Variants in TRIP11 observed in about 807,000 individuals in gnomAD.
TRIP11 encodes the protein thyroid receptor-interacting protein 11.
TRIP11 carries 148 observed loss-of-function variants against 223.1 expected under a neutral mutation model. That is an observed-to-expected ratio of 0.66 (90% CI 0.58 to 0.76). The LOEUF is 0.76. TRIP11 is among the 30% of genes least tolerant of loss of function. The pLI, the probability that TRIP11 is intolerant of heterozygous loss-of-function variation, is 0.00. For synonymous variants in TRIP11, 762 were observed against 772.6 expected (o/e 0.99, Z 0.23); for missense variants, 2,043 against 2,222.0 (o/e 0.92, Z 1.62).
At chr14:92,013,880 A>G (rs2057003829) in intron 7 of TRIP11, among the ~76,000 whole-genome samples, 1 of 152,208 alleles carries the variant, frequency 6.6e-6, no homozygotes, top group African/African-American at 2.4e-5. Context: ...TATGGCTCTA[A>G]GCACTCAGGG....
At chr14:92,026,515 ACT>A (rs2057189225) in intron 2 of TRIP11, 2 of 1,067,608 alleles carry the variant, frequency 1.9e-6, no homozygotes, top group African/African-American at 3.1e-5. Flanking sequence ...GAGTCCCTGA[ACT>A]CTCGCTTTCT....
At chr14:91,974,803 G>C (rs2056443967) in intron 18 of TRIP11, 60 bp from the exon 19 acceptor site, 2 of 1,237,478 alleles carry the variant, frequency 1.6e-6, no homozygotes, top group Non-Finnish European at 2.3e-6. Context: ...AAAAAACAAG[G>C]ACCACTTTTA....
rs149290149 is a variant in TRIP11 at position 92,034,740 on chromosome 14, C to G, written c.140-1487G>C. Among the ~76,000 whole-genome samples, 326 of 152,314 alleles carry G rather than the reference C, an allele frequency of 2.1e-3. 1 individual carries two copies. Among genetic ancestry groups the G allele is most frequent in the African/African-American group, 6.7e-3 (279 of 41,566 alleles). The stretch of plus-strand genomic sequence containing the variant: ...TCATGGCTCACTGTAGCCTCAAACT[C>G]TCTCGCTTCAGCCTTCCAAGTAGTT... On this transcript the variant is annotated intron_variant, in intron 1 of 20. Transcript: ENST00000267622.
intron 13 of TRIP11, among the ~76,000 whole-genome samples, chr14:91,996,451 A>G (rs1422608503): frequency 6.6e-6 from 1 of 152,194 alleles, no homozygotes; most frequent in Non-Finnish European, 1.5e-5. Context: ...CCAAGGCAAA[A>G]GGACTGTTTG....
chr14:92,033,608 T>C (rs924763627), intron 1 of TRIP11, among the ~76,000 whole-genome samples: 4 of 152,204 alleles, frequency 2.6e-5, no homozygotes, highest in Admixed American at 2.0e-4. Context: ...CAACTGGGGC[T>C]TTAGGCCTTA....
intron 15 of TRIP11, among the ~76,000 whole-genome samples, chr14:91,992,908 CAAAAAAAAAA>C (rs550702989): frequency 4.8e-4 from 14 of 29,252 alleles, no homozygotes; most frequent in East Asian, 3.8e-3. Context: ...GACTCCGTCT[CAAAAAAAAAA>C]AAAAAAAAAA....
chr14:92,039,570 A>G lies in TRIP11; in HGVS notation c.116T>C (p.Met39Thr), dbSNP rs771538219. ...ACCTTCCACTTCCTCCGTGCCCTCC[A>G]TCAGCATATCCTTTGTAAAGTTTGA... is the stretch of plus-strand genomic sequence containing the variant. ...QISNFTKDML[M>T]EGTEEVEAEL... is the part of the protein sequence containing the mutation. The change falls in exon 1 of 21, where the codon ATG becomes ACG. Residue 39 changes from methionine (M) to threonine (T), a missense_variant. By Grantham distance (81) the Met-to-Thr change is moderately conservative (BLOSUM62 -1). Coordinates refer to ENST00000267622, the MANE Select transcript of TRIP11 (RefSeq NM_004239.4). 5 of 1,613,922 alleles carry G rather than the reference A, an allele frequency of 3.1e-6. No individual in the cohort carries two copies. The highest frequency in any genetic ancestry group is 4.2e-6 in the Non-Finnish European group (5 of 1,179,948).
chr14:91,995,336 T>G lies in TRIP11; in HGVS notation c.5056+16A>C. 6.2e-7 allele frequency: 1 copy of G among 1,612,610 alleles called. No homozygotes were observed. Among genetic ancestry groups the G allele is most frequent in the East Asian group, 2.2e-5 (1 of 44,858 alleles). Reference sequence around the variant, plus strand: ...CTACAATTTTTCTTCATTGAAAGAGTGACCGTAGAGCTTACCTTGTTGGAA... The same window carrying G: ...CTACAATTTTTCTTCATTGAAAGAGGGACCGTAGAGCTTACCTTGTTGGAA... On this transcript the variant is annotated intron_variant, in intron 14 of 20. Coordinates refer to ENST00000267622, the MANE Select transcript of TRIP11 (RefSeq NM_004239.4).
chr14:92,029,772 C>T (rs915600121), intron 2 of TRIP11, among the ~76,000 whole-genome samples: 14 of 152,088 alleles, frequency 9.2e-5, no homozygotes, highest in Admixed American at 7.2e-4. Context: ...TATTAGACAA[C>T]TTAGAAGATT....
intron 2 of TRIP11, among the ~76,000 whole-genome samples, chr14:92,028,837 T>C (rs1426845472): frequency 6.6e-6 from 1 of 152,210 alleles, no homozygotes; most frequent in African/African-American, 2.4e-5. Flanking sequence ...ACTCACATCT[T>C]AAAATATTCC....
At chr14:92,000,682 C>G (rs2056812994) in intron 11 of TRIP11, among the ~76,000 whole-genome samples, 1 of 152,120 alleles carries the variant, frequency 6.6e-6, no homozygotes. Context: ...ACCCCCAAAT[C>G]AACAAAAAGT....
chr14:92,017,630 A>G (rs897339277), intron 5 of TRIP11, 52 bp downstream of exon 5: 6 of 1,404,016 alleles, frequency 4.3e-6, no homozygotes, highest in African/African-American at 4.2e-5. Context: ...TATGCTTTTA[A>G]TAAGCAGATT....
chr14:91,999,928 T>C (rs1461615335), intron 12 of TRIP11, 40 bp downstream of exon 12: 97 of 1,610,580 alleles, frequency 6.0e-5, no homozygotes, highest in Non-Finnish European at 8.2e-5. Context: ...GTTATTAAAC[T>C]TATTGTTTGA....
At chr14:91,995,081 T>C (rs2056732394) in intron 14 of TRIP11, among the ~76,000 whole-genome samples, 1 of 151,104 alleles carries the variant, frequency 6.6e-6, no homozygotes. Flanking sequence ...TATTACTTGA[T>C]CATCTTTCCT....
At chr14:92,024,111 C>T (rs1242961299) in intron 3 of TRIP11, among the ~76,000 whole-genome samples, 2 of 152,154 alleles carry the variant, frequency 1.3e-5, no homozygotes, top group South Asian at 4.2e-4. Flanking sequence ...GGCACGGTGG[C>T]TCACGCCTGT....
At chr14:92,023,766 G>GCT (rs1293025731) in intron 3 of TRIP11, among the ~76,000 whole-genome samples, 1 of 152,150 alleles carries the variant, frequency 6.6e-6, no homozygotes, top group African/African-American at 2.4e-5. Context: ...GCAGTTGAAT[G>GCT]CTCACTACCA....
At chr14:91,979,272 A>AAAAG (rs1555383822) in intron 16 of TRIP11, among the ~76,000 whole-genome samples, 49 of 150,176 alleles carry the variant, frequency 3.3e-4, no homozygotes, top group African/African-American at 1.0e-3. Flanking sequence ...AAAAAAAAAA[A>AAAAG]AGAGAGAGAG....
Position 91,995,327 on chromosome 14 carries a change from T to C in TRIP11, c.5056+25A>G, listed in dbSNP as rs771698883. ...TACCAATAACTACAATTTTTCTTCA[T>C]TGAAAGAGTGACCGTAGAGCTTACC... On this transcript the variant is annotated intron_variant, in intron 14 of 20. Transcript: ENST00000267622. 29 of 1,612,190 alleles carry C rather than the reference T, an allele frequency of 1.8e-5. No individual in the cohort carries two copies. The East Asian group carries it at 5.1e-4, about 29-fold the overall frequency.
intron 11 of TRIP11, 133 bp from the exon 12 acceptor site, chr14:92,000,241 G>C: frequency 4.4e-6 from 6 of 1,364,474 alleles, no homozygotes; most frequent in Non-Finnish European, 6.0e-6. Flanking sequence ...TCTCTGAGTA[G>C]GCTCAGAGAG....
Sources: gnomAD v4.1 joint callset for allele counts (sites outside exome capture counted in the v4.1 genomes callset) on GRCh38, gnomAD v4.1.1 for gene constraint, MANE v1.5 for transcripts, NCBI Gene and HGNC (gene_info 2026-07-23, HGNC 2026-07-21) for gene names.